The following PNKD variants were observed in gnomAD, a reference collection of about 807,000 sequenced individuals.
PNKD encodes PNKD metallo-beta-lactamase domain containing, also known as probable thioesterase PNKD.
PNKD carries 36 observed loss-of-function variants against 45.3 expected under a neutral mutation model. The observed-to-expected ratio is 0.80, with a 90% CI of 0.61 to 1.05. The LOEUF is 1.05. PNKD is among the 50% of genes least tolerant of loss of function. PNKD has a pLI of 0.00. For missense variants in PNKD, 511 were observed against 506.6 expected, an observed-to-expected ratio of 1.01 and a Z score of -0.08; for synonymous variants, 197 against 210.1, an observed-to-expected ratio of 0.94 and a Z score of 0.54.
chr2:218,321,378 C>T (rs1333598320), intron 2 of PNKD, among the ~76,000 whole-genome samples: 2 of 152,132 alleles, frequency 1.3e-5, no homozygotes, highest in Non-Finnish European at 2.9e-5. Flanking sequence ...CTCTGCGGTA[C>T]CAGCCCTTTA....
intron 9 of PNKD, 65 bp downstream of exon 9, chr2:218,344,635 C>A: frequency 6.9e-7 from 1 of 1,456,336 alleles, no homozygotes. Context: ...GGAACCCATC[C>A]ATGCTGACCC....
chr2:218,271,768 A>G (rs780377473), intron 2 of PNKD, among the ~76,000 whole-genome samples: 3 of 152,142 alleles, frequency 2.0e-5, no homozygotes, highest in Non-Finnish European at 2.9e-5. Context: ...AGCTGAGTTG[A>G]TCTGATTCAG....
intron 2 of PNKD, among the ~76,000 whole-genome samples, chr2:218,291,508 AC>A (rs1692925894): frequency 6.6e-6 from 1 of 152,072 alleles, no homozygotes; most frequent in East Asian, 1.9e-4. Context: ...TCTGGCTCTG[AC>A]CTGCGTTCCC....
rs530628828 is a variant in PNKD at position 218,307,329 on chromosome 2, A to G, written c.237-32454A>G. On this transcript the variant is annotated intron_variant, in intron 2 of 9. Coordinates refer to ENST00000273077, the MANE Select transcript of PNKD (RefSeq NM_015488.5). ...TTATTATTACATTGTAATATATAAT[A>G]AAATAATCATACAACTCACCATAAG... is the stretch of plus-strand genomic sequence containing the variant. Among the ~76,000 whole-genome samples, 4 of 152,348 alleles carry G rather than the reference A, an allele frequency of 2.6e-5. No homozygotes were observed. In the East Asian group the frequency reaches 7.7e-4, roughly 29 times the overall value.
chr2:218,336,043 T>A (rs968360413), intron 2 of PNKD, among the ~76,000 whole-genome samples: 83 of 152,012 alleles, frequency 5.5e-4, no homozygotes, highest in Middle Eastern at 3.4e-3. Context: ...GGTGAAACCC[T>A]GTCTCTACTA....
intron 2 of PNKD, among the ~76,000 whole-genome samples, chr2:218,289,237 C>T (rs2106237085): frequency 1.0e-5 from 1 of 96,564 alleles, no homozygotes; most frequent in Admixed American, 1.2e-4. Flanking sequence ...AAGCCTGGGT[C>T]CTGGGCTAGG....
chr2:218,273,183 T>C (rs1690921224), intron 2 of PNKD, among the ~76,000 whole-genome samples: 1 of 152,200 alleles, frequency 6.6e-6, no homozygotes, highest in Non-Finnish European at 1.5e-5. Flanking sequence ...AAAGAAGGTA[T>C]TCAGGGTGTG....
chr2:218,317,317 C>T (rs1008516622), intron 2 of PNKD, among the ~76,000 whole-genome samples: 1 of 152,204 alleles, frequency 6.6e-6, no homozygotes, highest in Admixed American at 6.5e-5. Context: ...TTTTTACAAG[C>T]TCCCTGAGTG....
chr2:218,325,495 T>C (rs1387115484), intron 2 of PNKD, among the ~76,000 whole-genome samples: 7 of 152,132 alleles, frequency 4.6e-5, no homozygotes, highest in Non-Finnish European at 5.9e-5. Flanking sequence ...TGGGAGCCAT[T>C]GCGCCCAGCC....
intron 2 of PNKD, among the ~76,000 whole-genome samples, chr2:218,282,465 C>T (rs1354808594): frequency 6.6e-6 from 1 of 152,230 alleles, no homozygotes; most frequent in Non-Finnish European, 1.5e-5. Flanking sequence ...GAGAGGGAAC[C>T]AGGGAGCCTG....
intron 2 of PNKD, among the ~76,000 whole-genome samples, chr2:218,291,722 C>T (rs1480379232): frequency 1.3e-5 from 2 of 152,174 alleles, no homozygotes; most frequent in Non-Finnish European, 2.9e-5. Flanking sequence ...AGTCTCTCCA[C>T]TTGCTTTCCC....
At chr2:218,323,063 C>T in intron 2 of PNKD, 1 of 791,224 alleles carries the variant, frequency 1.3e-6, no homozygotes, top group Admixed American at 4.6e-5. Context: ...GGAGCCAGGC[C>T]GCCCCCCAAG....
intron 2 of PNKD, among the ~76,000 whole-genome samples, chr2:218,279,829 AAG>A (rs1371001907): frequency 7.4e-6 from 1 of 135,698 alleles, no homozygotes; most frequent in Non-Finnish European, 1.7e-5. Context: ...CATGGTCAAG[AAG>A]AGAGGTGCAA....
intron 2 of PNKD, among the ~76,000 whole-genome samples, chr2:218,339,510 G>C (rs1233508495): frequency 1.3e-5 from 2 of 152,170 alleles, no homozygotes; most frequent in African/African-American, 4.8e-5. Flanking sequence ...ACAGGTGTGA[G>C]CCACTGCGCC....
At chr2:218,280,656 C>T (rs1691815642) in intron 2 of PNKD, 1 of 157,238 alleles carries the variant, frequency 6.4e-6, no homozygotes, top group Non-Finnish European at 1.4e-5. Flanking sequence ...TGAGAGCTGG[C>T]TGACACCCCT....
At chr2:218,335,156 A>AAAAT (rs201225515) in intron 2 of PNKD, among the ~76,000 whole-genome samples, 5,051 of 151,192 alleles carry the variant, frequency 0.033, 109 homozygotes, top group Middle Eastern at 0.066. Context: ...ATCTCTTTAA[A>AAAAT]AAATAAATAA....
intron 2 of PNKD, among the ~76,000 whole-genome samples, chr2:218,287,710 CA>C (rs1381874867): frequency 1.3e-5 from 2 of 150,322 alleles, no homozygotes; most frequent in African/African-American, 4.9e-5. Context: ...AACCCCATCT[CA>C]AAAAAAAAGA....
intron 2 of PNKD, among the ~76,000 whole-genome samples, chr2:218,276,467 G>A (rs1264845118): frequency 6.6e-6 from 1 of 152,168 alleles, no homozygotes; most frequent in Non-Finnish European, 1.5e-5. Context: ...CCCCTCTGGT[G>A]AGTATCAAAA....
intron 2 of PNKD, chr2:218,278,239 G>C: frequency 1.7e-6 from 1 of 604,286 alleles, no homozygotes; most frequent in Admixed American, 3.0e-5. Context: ...TGGGGAGAAA[G>C]TTACTCAGCC....
Sources: allele counts gnomAD v4.1 joint callset (sites outside exome capture counted in the v4.1 genomes callset), GRCh38; gene constraint gnomAD v4.1.1; transcripts MANE v1.5; gene names NCBI Gene and HGNC (gene_info 2026-07-23, HGNC 2026-07-21).